Variants in UNC13C observed in about 807,000 individuals in gnomAD.
UNC13C encodes the protein protein unc-13 homolog C.
Under a neutral mutation model 245.4 loss-of-function variants are expected in UNC13C, and 174 were observed. That is an observed-to-expected ratio of 0.71 (90% CI 0.63 to 0.80). UNC13C has a LOEUF of 0.80. Ranked by LOEUF, UNC13C falls within the 30% of genes least tolerant of loss-of-function variation. The pLI, the probability that UNC13C is intolerant of heterozygous loss-of-function variation, is 0.00. For missense variants in UNC13C, 2,829 were observed against 2,602.9 expected, an observed-to-expected ratio of 1.09 and a Z score of -1.89; for synonymous variants, 992 against 895.1, an observed-to-expected ratio of 1.11 and a Z score of -1.93.
chr15:54,226,711 G>A (rs1377360438), intron 4 of UNC13C, among the ~76,000 whole-genome samples: 1 of 152,202 alleles, frequency 6.6e-6, no homozygotes, highest in Non-Finnish European at 1.5e-5. Context: ...CGCTGAGGCA[G>A]GGCAGGCAGC....
intron 30 of UNC13C, among the ~76,000 whole-genome samples, chr15:54,619,830 G>A (rs890600335): frequency 6.6e-6 from 1 of 152,074 alleles, no homozygotes; most frequent in African/African-American, 2.4e-5. Context: ...TTCTGTTAAG[G>A]AGAAAAATCT....
Position 54,195,801 on chromosome 15 carries a change from A to G in UNC13C, c.3072-39229A>G, listed in dbSNP as rs574345976. ...CCAGGAGAGAGTGCTAATGGTTGCA[A>G]TGAAGACATCTTATTGCAGTTGGTT... On this transcript the variant is annotated intron_variant, in intron 4 of 32. Transcript: ENST00000260323. Among the ~76,000 whole-genome samples the G allele has an allele frequency of 5.3e-5, 8 of 152,316 alleles. No individual in the cohort carries two copies. The East Asian group carries it at 5.8e-4, about 11-fold the overall frequency.
intron 29 of UNC13C, among the ~76,000 whole-genome samples, chr15:54,565,261 C>G (rs1897461158): frequency 6.6e-6 from 1 of 151,848 alleles, no homozygotes; most frequent in African/African-American, 2.4e-5. Flanking sequence ...CCTTTTGGAG[C>G]AACCACTGTG....
chr15:53,981,250 A>T (rs1183035649), intron 1 of UNC13C, among the ~76,000 whole-genome samples: 1 of 152,114 alleles, frequency 6.6e-6, no homozygotes, highest in East Asian at 1.9e-4. Flanking sequence ...TTCAACATAT[A>T]TGTTTCTGTT....
intron 2 of UNC13C, among the ~76,000 whole-genome samples, chr15:54,123,280 T>C (rs1275202788): frequency 6.6e-6 from 1 of 151,832 alleles, no homozygotes; most frequent in Non-Finnish European, 1.5e-5. Context: ...CACTTGTAAA[T>C]TGGTTTGTTA....
At chr15:54,223,747 T>C (rs926804594) in intron 4 of UNC13C, among the ~76,000 whole-genome samples, 1 of 152,038 alleles carries the variant, frequency 6.6e-6, no homozygotes, top group Non-Finnish European at 1.5e-5. Context: ...ATTTTAACAA[T>C]ATTAGTTCCT....
intron 4 of UNC13C, among the ~76,000 whole-genome samples, chr15:54,204,801 G>A (rs905330045): frequency 9.2e-5 from 14 of 151,878 alleles, no homozygotes; most frequent in African/African-American, 3.4e-4. Flanking sequence ...TTGGAGGAGA[G>A]GGAAAAAGAG....
At chr15:54,104,588 C>T (rs768598276) in intron 2 of UNC13C, among the ~76,000 whole-genome samples, 2 of 152,126 alleles carry the variant, frequency 1.3e-5, no homozygotes, top group South Asian at 4.1e-4. Context: ...TATCAGATTT[C>T]TAACAGTCAA....
intron 19 of UNC13C, among the ~76,000 whole-genome samples, chr15:54,476,708 G>T (rs1223163016): frequency 6.6e-6 from 1 of 150,868 alleles, no homozygotes; most frequent in Non-Finnish European, 1.5e-5. Flanking sequence ...TTTGGTTACT[G>T]TAGCCTTGTA....
intron 19 of UNC13C, among the ~76,000 whole-genome samples, chr15:54,464,282 A>C (rs187535416): frequency 3.3e-5 from 5 of 152,140 alleles, no homozygotes; most frequent in African/African-American, 1.2e-4. Context: ...CCATTCATGA[A>C]CTTTGTCAGT....
At chr15:54,244,862 C>A (rs1319385026) in intron 7 of UNC13C, among the ~76,000 whole-genome samples, 1 of 152,046 alleles carries the variant, frequency 6.6e-6, no homozygotes, top group Non-Finnish European at 1.5e-5. Context: ...AAAGCTTACT[C>A]TTTTGGACTG....
At chr15:54,166,843 A>T (rs985165750) in intron 4 of UNC13C, among the ~76,000 whole-genome samples, 1 of 152,164 alleles carries the variant, frequency 6.6e-6, no homozygotes, top group Non-Finnish European at 1.5e-5. Flanking sequence ...AAGATGACTT[A>T]AATAAACAAA....
intron 17 of UNC13C, among the ~76,000 whole-genome samples, chr15:54,351,206 T>C (rs916791599): frequency 6.6e-6 from 1 of 152,194 alleles, no homozygotes; most frequent in Non-Finnish European, 1.5e-5. Flanking sequence ...TTCCTGCTGC[T>C]AAAGGGTTCT....
chr15:54,291,370 A>C (rs542018211), intron 10 of UNC13C, among the ~76,000 whole-genome samples: 2 of 152,038 alleles, frequency 1.3e-5, no homozygotes, highest in Non-Finnish European at 2.9e-5. Flanking sequence ...AAAATAGCTC[A>C]AACTTAGATA....
intron 25 of UNC13C, among the ~76,000 whole-genome samples, chr15:54,530,452 G>A (rs143005969): frequency 1.3e-5 from 2 of 152,280 alleles, no homozygotes; most frequent in African/African-American, 2.4e-5. Flanking sequence ...TGGGCATGCA[G>A]CACTAAACAA....
intron 20 of UNC13C, among the ~76,000 whole-genome samples, chr15:54,495,473 T>C (rs622459): frequency 0.58 from 88,611 of 151,666 alleles, 26,042 homozygotes; most frequent in East Asian, 0.79. Context: ...TTTGGGGAAC[T>C]CCACACAATA....
chr15:54,589,216 A>C lies in UNC13C; in HGVS notation c.6106+21269A>C, dbSNP rs143614349. Among the ~76,000 whole-genome samples, 874 of 138,456 alleles carry C rather than the reference A, an allele frequency of 6.3e-3. 10 individuals carry two copies. The highest frequency in any genetic ancestry group is 0.023 in the African/African-American group (846 of 37,044). The allele number at this position is 138,456 out of a possible 152,430, so 90.8% of individuals were successfully genotyped here. A position where few individuals can be genotyped will look rare whatever the true frequency, so the allele number is the denominator to read the frequency against. On this transcript the variant is annotated intron_variant, in intron 30 of 32. Transcript: ENST00000260323. Reference sequence around the variant, plus strand: ...GTATCGCATTGTGGTTTTGATTTGCATTTCGTTGATCATTAGTAATGTTGA... The same window carrying C: ...GTATCGCATTGTGGTTTTGATTTGCCTTTCGTTGATCATTAGTAATGTTGA...
intron 19 of UNC13C, among the ~76,000 whole-genome samples, chr15:54,440,744 A>G (rs974346721): frequency 1.3e-5 from 2 of 152,074 alleles, no homozygotes; most frequent in East Asian, 1.9e-4. Context: ...ACTGTTTTCC[A>G]TAGTTGCTAT....
intron 7 of UNC13C, among the ~76,000 whole-genome samples, chr15:54,240,050 T>C (rs2035810301): frequency 6.6e-6 from 1 of 152,236 alleles, no homozygotes; most frequent in Non-Finnish European, 1.5e-5. Context: ...GTGTATTTTC[T>C]GAGTCCTGGA....
Sources: allele counts gnomAD v4.1 joint callset (sites outside exome capture counted in the v4.1 genomes callset), GRCh38; gene constraint gnomAD v4.1.1; transcripts MANE v1.5; gene names NCBI Gene and HGNC (gene_info 2026-07-23, HGNC 2026-07-21).